The following PDS5A variants were observed in gnomAD, a reference collection of about 807,000 sequenced individuals.
PDS5A encodes the protein sister chromatid cohesion protein PDS5 homolog A.
PDS5A carries 42 observed loss-of-function variants against 167.1 expected under a neutral mutation model. That is an observed-to-expected ratio of 0.25 (90% CI 0.20 to 0.33). The LOEUF (loss-of-function observed/expected upper bound fraction) is 0.33, where lower values mean the gene tolerates loss of function less well. Among genes scored for constraint, PDS5A ranks in the 10% least tolerant of loss-of-function variants. PDS5A has a pLI of 1.00. For missense variants in PDS5A, 1,033 were observed against 1,605.9 expected, an observed-to-expected ratio of 0.64 and a Z score of 6.10; for synonymous variants, 553 against 554.6, an observed-to-expected ratio of 1.00 and a Z score of 0.04.
intron 2 of PDS5A, among the ~76,000 whole-genome samples, chr4:39,941,927 CAGCA>C (rs1451989409): frequency 6.6e-6 from 1 of 152,114 alleles, no homozygotes; most frequent in Non-Finnish European, 1.5e-5. Flanking sequence ...GACCCCATCT[CAGCA>C]ACAACAAAAA....
chr4:39,868,023 C>G (rs1222312089), intron 22 of PDS5A, among the ~76,000 whole-genome samples: 1 of 152,092 alleles, frequency 6.6e-6, no homozygotes. Context: ...TATTTATTGA[C>G]AACCTGGAAA....
intron 28 of PDS5A, chr4:39,847,026 A>C (rs749919452): frequency 2.1e-5 from 3 of 145,344 alleles, no homozygotes; most frequent in Non-Finnish European, 4.4e-5. Flanking sequence ...AGGGTTTATG[A>C]ATTTATAACA....
chr4:39,893,135 A>C (rs944055096), intron 16 of PDS5A, among the ~76,000 whole-genome samples: 1 of 152,184 alleles, frequency 6.6e-6, no homozygotes, highest in African/African-American at 2.4e-5. Context: ...GAAAATATTA[A>C]AATTTGGGGA....
At chr4:39,942,520 AG>A (rs1290998788) in intron 2 of PDS5A, among the ~76,000 whole-genome samples, 1 of 152,136 alleles carries the variant, frequency 6.6e-6, no homozygotes, top group African/African-American at 2.4e-5. Context: ...GCATAATCAC[AG>A]GTCACTACAG....
chr4:39,963,570 G>A (rs1028325929), intron 2 of PDS5A, among the ~76,000 whole-genome samples: 1 of 152,168 alleles, frequency 6.6e-6, no homozygotes, highest in African/African-American at 2.4e-5. Context: ...GGTTGACTGG[G>A]CACAGTGGCT....
intron 26 of PDS5A, among the ~76,000 whole-genome samples, chr4:39,855,954 A>G (rs1048738000): frequency 2.0e-5 from 3 of 152,218 alleles, no homozygotes; most frequent in African/African-American, 7.2e-5. Context: ...AATTTTATGA[A>G]AGATGTGAAT....
chr4:39,900,591 GTAT>G, intron 13 of PDS5A, 84 bp from the exon 14 acceptor site: 1 of 808,288 alleles, frequency 1.2e-6, no homozygotes, highest in East Asian at 2.7e-5. Flanking sequence ...GTTGCATGCT[GTAT>G]ATACACCATT....
rs757651359 is a variant in PDS5A at position 39,874,442 on chromosome 4, T to TC, written c.2154-31dup. 12 of 1,595,268 alleles carry TC rather than the reference T, an allele frequency of 7.5e-6. 1 individual carries two copies. Among genetic ancestry groups the TC allele is most frequent in the Middle Eastern group, 3.3e-4 (2 of 5,980 alleles). On this transcript the variant is annotated intron_variant, in intron 19 of 32. Coordinates refer to ENST00000303538, the MANE Select transcript of PDS5A (RefSeq NM_001100399.2). ...AAAAAATAATATAGTTGTTTTTTTT[T>TC]CTTAAACCCATAAACCAACAAGTAT...
chr4:39,849,436 G>C (rs1369585791), intron 27 of PDS5A, 84 bp downstream of exon 27: 3 of 526,718 alleles, frequency 5.7e-6, no homozygotes, highest in African/African-American at 2.7e-5. Flanking sequence ...ACTACGTATG[G>C]CCAAAAAAAA....
intron 16 of PDS5A, among the ~76,000 whole-genome samples, chr4:39,896,055 T>A (rs1722386641): frequency 7.1e-6 from 1 of 140,780 alleles, no homozygotes; most frequent in South Asian, 2.3e-4. Context: ...TTTAAAAAAA[T>A]TTTTGGAGAC....
At chr4:39,909,834 C>G (rs1723741836) in intron 10 of PDS5A, among the ~76,000 whole-genome samples, 1 of 152,078 alleles carries the variant, frequency 6.6e-6, no homozygotes. Context: ...TTATTAAATG[C>G]CACTATATTT....
intron 23 of PDS5A, among the ~76,000 whole-genome samples, chr4:39,864,733 T>C (rs1056705556): frequency 2.6e-5 from 4 of 152,208 alleles, no homozygotes; most frequent in African/African-American, 7.2e-5. Flanking sequence ...ATAGCTATTA[T>C]GTGAGTGCTT....
At chr4:39,850,255 G>C (rs1411025426) in intron 26 of PDS5A, among the ~76,000 whole-genome samples, 1 of 145,512 alleles carries the variant, frequency 6.9e-6, no homozygotes, top group Admixed American at 7.0e-5. Context: ...CTGGGTGACA[G>C]AGCGAGACTC....
intron 32 of PDS5A, among the ~76,000 whole-genome samples, chr4:39,827,609 C>T (rs753573905): frequency 6.6e-6 from 1 of 152,126 alleles, no homozygotes; most frequent in Non-Finnish European, 1.5e-5. Flanking sequence ...TTTTGAGATA[C>T]GAACCCACAT....
intron 11 of PDS5A, among the ~76,000 whole-genome samples, chr4:39,906,808 T>C (rs1450466031): frequency 6.6e-6 from 1 of 151,756 alleles, no homozygotes; most frequent in African/African-American, 2.4e-5. Context: ...TCAATACTTC[T>C]TTATAAATTT....
At chr4:39,832,708 A>G (rs1335407960) in intron 32 of PDS5A, among the ~76,000 whole-genome samples, 2 of 152,146 alleles carry the variant, frequency 1.3e-5, no homozygotes, top group Non-Finnish European at 2.9e-5. Context: ...AAAAGAAATT[A>G]GCCAGCCATG....
At chr4:39,971,651 G>T (rs1730550234) in intron 2 of PDS5A, among the ~76,000 whole-genome samples, 1 of 151,872 alleles carries the variant, frequency 6.6e-6, no homozygotes, top group South Asian at 2.1e-4. Flanking sequence ...GTAGAGATGG[G>T]GTTTCACCAT....
At chr4:39,854,282 G>A (rs557212799) in intron 26 of PDS5A, among the ~76,000 whole-genome samples, 140 of 152,228 alleles carry the variant, frequency 9.2e-4, no homozygotes, top group South Asian at 7.3e-3. Context: ...CAACTTGGGC[G>A]ACAGAACGAG....
At chr4:39,845,943 A>G in intron 28 of PDS5A, 63 bp from the exon 29 acceptor site, 11 of 1,217,262 alleles carry the variant, frequency 9.0e-6, no homozygotes, top group Non-Finnish European at 1.2e-5. Context: ...GAGTATTTTA[A>G]TTATCTCAAT....
Sources: allele counts gnomAD v4.1 joint callset (sites outside exome capture counted in the v4.1 genomes callset), GRCh38; gene constraint gnomAD v4.1.1; transcripts MANE v1.5; gene names NCBI Gene and HGNC (gene_info 2026-07-23, HGNC 2026-07-21).